Variants in VWA3B observed in about 807,000 individuals in gnomAD.
VWA3B encodes the protein von Willebrand factor A domain-containing protein 3B.
In VWA3B, 138 loss-of-function variants were observed where a neutral mutation model predicts 158.3. The ratio of observed to expected loss-of-function variants is 0.87; its 90% CI spans 0.76 to 1.00. The LOEUF (loss-of-function observed/expected upper bound fraction) is 1.00, where lower values mean the gene tolerates loss of function less well. Ranked by LOEUF, VWA3B falls within the 50% of genes least tolerant of loss-of-function variation. The probability of loss-of-function intolerance (pLI) is 0.00; values close to 1 mark genes in which losing one functional copy is unlikely to be tolerated. For missense variants in VWA3B, 1,555 were observed against 1,565.1 expected (o/e 0.99, Z 0.11); for synonymous variants, 596 against 587.3 (o/e 1.01, Z -0.21).
At chr2:98,167,508 C>G (rs1302139719) in intron 8 of VWA3B, among the ~76,000 whole-genome samples, 1 of 152,076 alleles carries the variant, frequency 6.6e-6, no homozygotes, top group Non-Finnish European at 1.5e-5. Flanking sequence ...AGAGAGTTTC[C>G]AGGCCCTGGC....
intron 14 of VWA3B, among the ~76,000 whole-genome samples, chr2:98,227,377 A>C (rs1173121694): frequency 6.6e-6 from 1 of 152,206 alleles, no homozygotes; most frequent in African/African-American, 2.4e-5. Context: ...CACATGGTCC[A>C]ATCATTCTAC....
At chr2:98,102,210 C>T (rs1036751815) in intron 2 of VWA3B, among the ~76,000 whole-genome samples, 3 of 152,226 alleles carry the variant, frequency 2.0e-5, no homozygotes, top group Non-Finnish European at 4.4e-5. Context: ...AGATTAACAG[C>T]ATCCCAAGGC....
chr2:98,129,457 C>A (rs997993995), intron 6 of VWA3B, among the ~76,000 whole-genome samples: 1 of 152,104 alleles, frequency 6.6e-6, no homozygotes, highest in Non-Finnish European at 1.5e-5. Flanking sequence ...GCCCTATGAC[C>A]TCATTTAACC....
intron 8 of VWA3B, among the ~76,000 whole-genome samples, chr2:98,172,578 C>T (rs928396482): frequency 6.6e-6 from 1 of 152,178 alleles, no homozygotes; most frequent in Non-Finnish European, 1.5e-5. Context: ...TAGCCAGGGT[C>T]CACACCCTTC....
Position 98,284,541 on chromosome 2 carries a change from C to T in VWA3B, c.3046-5970C>T, listed in dbSNP as rs748365829. 7.8e-4 allele frequency among the ~76,000 whole-genome samples: 119 copies of T among 152,248 alleles called. No homozygotes were observed. In the Middle Eastern group the frequency reaches 0.014, roughly 17 times the overall value. ...AATTAGAGACTTTCTTAAGAGGAGG[C>T]CTGCAAATGAACTCATAAAGTATGC... On this transcript the variant is annotated intron_variant, in intron 22 of 27. Coordinates refer to ENST00000477737, the MANE Select transcript of VWA3B (RefSeq NM_144992.5).
intron 2 of VWA3B, among the ~76,000 whole-genome samples, chr2:98,102,659 C>T (rs1683169068): frequency 1.3e-5 from 2 of 152,270 alleles, no homozygotes; most frequent in East Asian, 1.9e-4. Context: ...CATCTAAGTT[C>T]GTAAGAGATA....
intron 16 of VWA3B, among the ~76,000 whole-genome samples, chr2:98,233,110 C>G (rs750255364): frequency 2.0e-5 from 3 of 152,222 alleles, no homozygotes; most frequent in Non-Finnish European, 4.4e-5. Flanking sequence ...TCCAGTCCTG[C>G]CTGCCTGTTC....
intron 8 of VWA3B, among the ~76,000 whole-genome samples, chr2:98,173,515 C>T (rs1679765955): frequency 6.6e-6 from 1 of 152,208 alleles, no homozygotes; most frequent in Non-Finnish European, 1.5e-5. Context: ...ATGTAATTCT[C>T]CCATGATTCA....
At position 98,203,363 on chromosome 2, in the gene VWA3B, C is replaced by T. The variant is rs766702690; in HGVS notation, c.1738-8567C>T. On this transcript the variant is annotated intron_variant, in intron 12 of 27. Transcript: ENST00000477737. ...GTATAGTGAGCTTTAAGATCAAGAA[C>T]AGCTACTCCTACTTTACATTTCTTT... 4.6e-5 allele frequency among the ~76,000 whole-genome samples: 7 copies of T among 152,226 alleles called. 1 individual carries two copies. The highest frequency in any genetic ancestry group is 1.7e-4 in the African/African-American group (7 of 41,476).
intron 5 of VWA3B, among the ~76,000 whole-genome samples, chr2:98,126,962 G>A (rs1675413360): frequency 6.6e-6 from 1 of 151,520 alleles, no homozygotes; most frequent in Non-Finnish European, 1.5e-5. Flanking sequence ...TCAACCATGA[G>A]GACTCCCGCC....
intron 5 of VWA3B, among the ~76,000 whole-genome samples, chr2:98,123,130 G>A (rs2104980142): frequency 6.6e-6 from 1 of 152,314 alleles, no homozygotes; most frequent in East Asian, 1.9e-4. Flanking sequence ...CTGCTTCTCT[G>A]CTCCACACCT....
chr2:98,266,708 C>T (rs1216103074), intron 21 of VWA3B, among the ~76,000 whole-genome samples: 18 of 96,066 alleles, frequency 1.9e-4, no homozygotes, highest in East Asian at 6.0e-4. Context: ...TGTTTGTATC[C>T]TCTTTTATTT....
At chr2:98,231,544 A>G (rs1421130915) in intron 16 of VWA3B, among the ~76,000 whole-genome samples, 1 of 152,226 alleles carries the variant, frequency 6.6e-6, no homozygotes, top group Non-Finnish European at 1.5e-5. Flanking sequence ...AGCAATATCT[A>G]CAGTCAAAAA....
chr2:98,202,706 C>T (rs1682659991), intron 12 of VWA3B, among the ~76,000 whole-genome samples: 1 of 152,104 alleles, frequency 6.6e-6, no homozygotes, highest in South Asian at 2.1e-4. Context: ...ATCTTAGATC[C>T]TGAAGATGTT....
intron 14 of VWA3B, among the ~76,000 whole-genome samples, chr2:98,224,946 A>G (rs1209959348): frequency 6.6e-6 from 1 of 151,208 alleles, no homozygotes; most frequent in African/African-American, 2.4e-5. Flanking sequence ...TACTCCATAT[A>G]TACAAGAATA....
At chr2:98,157,756 C>CG (rs773189637) in intron 7 of VWA3B, among the ~76,000 whole-genome samples, 1 of 152,182 alleles carries the variant, frequency 6.6e-6, no homozygotes, top group Non-Finnish European at 1.5e-5. Flanking sequence ...AGTTCTTCAC[C>CG]GGAGAGTCCT....
At position 98,236,675 on chromosome 2, in the gene VWA3B, G is replaced by A; in HGVS notation, c.2618G>A (p.Ser873Asn). The change falls in exon 19 of 28, where the codon AGC becomes AAC. Residue 873 changes from serine to asparagine, a missense_variant. Physicochemically the swap from Ser to Asn is conservative, Grantham distance 46. Coordinates refer to ENST00000477737, the MANE Select transcript of VWA3B (RefSeq NM_144992.5). ...TTGTCAGTGGCAGCAGTCCCGCACA[G>A]CTCCACCTATGTTCCCGTCCTGGAC... ...DALSVAAVPH[S>N]STYVPVLDKH... is the part of the protein sequence containing the mutation. 1 of 1,614,228 alleles carries A rather than the reference G, an allele frequency of 6.2e-7. No individual in the cohort carries two copies. The highest frequency in any genetic ancestry group is 2.2e-5 in the East Asian group (1 of 44,892).
At chr2:98,251,401 A>G (rs1312343024) in intron 20 of VWA3B, among the ~76,000 whole-genome samples, 2 of 152,178 alleles carry the variant, frequency 1.3e-5, no homozygotes, top group Admixed American at 1.3e-4. Context: ...ACTTTTATCA[A>G]GTTCAAGATG....
chr2:98,231,237 A>G (rs1187424727), intron 16 of VWA3B, among the ~76,000 whole-genome samples: 1 of 152,254 alleles, frequency 6.6e-6, no homozygotes, highest in Non-Finnish European at 1.5e-5. Context: ...GAAATTCCTA[A>G]TAGAATCCCA....
Sources: allele counts gnomAD v4.1 joint callset (sites outside exome capture counted in the v4.1 genomes callset), GRCh38; gene constraint gnomAD v4.1.1; transcripts MANE v1.5; gene names NCBI Gene and HGNC (gene_info 2026-07-23, HGNC 2026-07-21).